The following PARD3 variants were observed in gnomAD, a reference collection of about 807,000 sequenced individuals.
PARD3 encodes par-3 family cell polarity regulator.
PARD3 carries 75 observed loss-of-function variants against 155.4 expected under a neutral mutation model. That is an observed-to-expected ratio of 0.48 (90% CI 0.40 to 0.58). The LOEUF (loss-of-function observed/expected upper bound fraction) is 0.58, where lower values mean the gene tolerates loss of function less well. Ranked by LOEUF, PARD3 falls within the 20% of genes least tolerant of loss-of-function variation. The pLI, the probability that PARD3 is intolerant of heterozygous loss-of-function variation, is 0.00. For missense variants in PARD3, 1,642 were observed against 1,721.7 expected (o/e 0.95, Z 0.82); for synonymous variants, 576 against 610.5 (o/e 0.94, Z 0.83).
intron 3 of PARD3, among the ~76,000 whole-genome samples, chr10:34,502,315 G>A (rs1789001093): frequency 6.6e-6 from 1 of 152,108 alleles, no homozygotes; most frequent in Non-Finnish European, 1.5e-5. Context: ...GGTCCACAAG[G>A]TACAAGGTTG....
At chr10:34,300,880 A>G (rs1957115089) in intron 20 of PARD3, among the ~76,000 whole-genome samples, 1 of 152,224 alleles carries the variant, frequency 6.6e-6, no homozygotes, top group Non-Finnish European at 1.5e-5. Context: ...GTCTCTCACC[A>G]TGGAGGGTAA....
intron 2 of PARD3, among the ~76,000 whole-genome samples, chr10:34,545,137 T>C (rs894363786): frequency 4.6e-5 from 7 of 152,334 alleles, no homozygotes; most frequent in Middle Eastern, 3.4e-3. Context: ...GCTATTTGAT[T>C]CCTCTTTCAT....
chr10:34,215,112 G>A (rs767619734), intron 22 of PARD3, among the ~76,000 whole-genome samples: 2 of 152,094 alleles, frequency 1.3e-5, no homozygotes, highest in Non-Finnish European at 2.9e-5. Context: ...GCCAATAAAC[G>A]CTAAATACAC....
intron 1 of PARD3, among the ~76,000 whole-genome samples, chr10:34,701,333 A>ATGTTGTTGTTGTTGTTGTTGT (rs34806804): frequency 2.7e-5 from 4 of 149,862 alleles, no homozygotes; most frequent in African/African-American, 7.4e-5. Flanking sequence ...ACACGCGGGG[A>ATGTTGTTGTTGTTGTTGTTGT]TGTTGTTGTT....
At chr10:34,758,507 A>AT (rs766849319) in intron 1 of PARD3, among the ~76,000 whole-genome samples, 21 of 152,206 alleles carry the variant, frequency 1.4e-4, no homozygotes, top group Admixed American at 1.2e-3. Flanking sequence ...AGGCAAGTGA[A>AT]TTGTCACTGG....
rs1949601045 is a variant in PARD3 at position 34,167,722 on chromosome 10, T to C, written c.3420-36139A>G. Among the ~76,000 whole-genome samples, 4 of 152,344 alleles carry C rather than the reference T, an allele frequency of 2.6e-5. No individual in the cohort carries two copies. In the South Asian group the frequency reaches 8.3e-4, roughly 32 times the overall value. ...TTTTCTTTGATATATGCTAAGCTTA[T>C]TCTATCAACTTCAGCCAGAATAACT... On this transcript the variant is annotated intron_variant, in intron 22 of 24. Transcript: ENST00000374788.
At chr10:34,346,321 G>A in intron 15 of PARD3, 1 of 1,265,660 alleles carries the variant, frequency 7.9e-7, no homozygotes, top group South Asian at 1.4e-5. Context: ...TGAATTTAGG[G>A]ATTTTTTTGG....
At chr10:34,160,313 G>A (rs1949213399) in intron 22 of PARD3, among the ~76,000 whole-genome samples, 1 of 152,120 alleles carries the variant, frequency 6.6e-6, no homozygotes, top group Non-Finnish European at 1.5e-5. Context: ...ACTGTATTGA[G>A]CACACTGCAC....
At chr10:34,224,105 T>C (rs369409404) in intron 22 of PARD3, among the ~76,000 whole-genome samples, 18 of 152,238 alleles carry the variant, frequency 1.2e-4, no homozygotes, top group African/African-American at 4.1e-4. Context: ...AGAAGTCGTC[T>C]CATTCTGACA....
intron 2 of PARD3, among the ~76,000 whole-genome samples, chr10:34,656,819 C>T (rs543820982): frequency 6.6e-6 from 1 of 152,300 alleles, no homozygotes; most frequent in African/African-American, 2.4e-5. Flanking sequence ...CCCTGCTGTC[C>T]TCACTGCTAT....
At chr10:34,413,491 C>T (rs943108887) in intron 5 of PARD3, among the ~76,000 whole-genome samples, 5 of 150,688 alleles carry the variant, frequency 3.3e-5, no homozygotes, top group African/African-American at 1.2e-4. Flanking sequence ...TTTTGACTAC[C>T]AGATACTATT....
In PARD3 at chr10:34,465,639, C is replaced by T. The variant is rs920511475; in HGVS notation, c.582+4446G>A. Among the ~76,000 whole-genome samples, 13 of 152,224 alleles carry T rather than the reference C, an allele frequency of 8.5e-5. No homozygotes were observed. In the East Asian group the frequency reaches 2.5e-3, roughly 29 times the overall value. ...AGGTTCCCTTTATTACTTTCTTCCC[C>T]TTTCCCTAATCAGGTGAGAATCTCT... On this transcript the variant is annotated intron_variant, in intron 4 of 24. Coordinates refer to ENST00000374788, the MANE Select transcript of PARD3 (RefSeq NM_001184785.2).
chr10:34,624,879 A>T (rs568124512), intron 2 of PARD3, among the ~76,000 whole-genome samples: 4 of 152,352 alleles, frequency 2.6e-5, no homozygotes, highest in South Asian at 4.1e-4. Flanking sequence ...AACCCAGGTC[A>T]CACTGCTGGG....
At chr10:34,258,596 T>C (rs1954783822) in intron 22 of PARD3, among the ~76,000 whole-genome samples, 1 of 152,074 alleles carries the variant, frequency 6.6e-6, no homozygotes, top group African/African-American at 2.4e-5. Flanking sequence ...ATCTGGGGCT[T>C]ATAAAGAGAG....
At chr10:34,294,976 G>A (rs932717992) in intron 20 of PARD3, among the ~76,000 whole-genome samples, 1 of 152,094 alleles carries the variant, frequency 6.6e-6, no homozygotes. Flanking sequence ...ACAGGGGTGG[G>A]AGGATCCCTT....
At chr10:34,655,442 G>A (rs898967196) in intron 2 of PARD3, among the ~76,000 whole-genome samples, 2 of 152,124 alleles carry the variant, frequency 1.3e-5, no homozygotes, top group Non-Finnish European at 2.9e-5. Flanking sequence ...GTGTGTGTGA[G>A]ATGGAGAGAA....
intron 2 of PARD3, among the ~76,000 whole-genome samples, chr10:34,546,561 C>T (rs921801108): frequency 1.3e-5 from 2 of 150,680 alleles, no homozygotes; most frequent in Admixed American, 6.6e-5. Context: ...TTTTGAGACC[C>T]GAGTCTCACT....
chr10:34,495,471 T>C (rs756518597), intron 3 of PARD3, among the ~76,000 whole-genome samples: 3 of 152,224 alleles, frequency 2.0e-5, no homozygotes, highest in Non-Finnish European at 2.9e-5. Context: ...TTTTCAGACA[T>C]AGCTGTGAAA....
At chr10:34,770,616 A>G (rs979374200) in intron 1 of PARD3, among the ~76,000 whole-genome samples, 2 of 152,214 alleles carry the variant, frequency 1.3e-5, no homozygotes, top group Non-Finnish European at 2.9e-5. Flanking sequence ...AGAAAACGCT[A>G]GCCTTGCAGT....
Sources: gnomAD v4.1 joint callset for allele counts (sites outside exome capture counted in the v4.1 genomes callset) on GRCh38, gnomAD v4.1.1 for gene constraint, MANE v1.5 for transcripts, NCBI Gene and HGNC (gene_info 2026-07-23, HGNC 2026-07-21) for gene names.